Variants in MAPRE2 observed in about 807,000 individuals in gnomAD.
The protein encoded by MAPRE2 is microtubule associated protein RP/EB family member 2.
In MAPRE2, 13 loss-of-function variants were observed where a neutral mutation model predicts 43.2. The ratio of observed to expected loss-of-function variants is 0.30; its 90% CI spans 0.20 to 0.48. MAPRE2 has a LOEUF of 0.48. Ranked by LOEUF, MAPRE2 falls within the 20% of genes least tolerant of loss-of-function variation. The pLI is 0.99. For missense variants in MAPRE2, 161 were observed against 400.2 expected (o/e 0.40, Z 5.10); for synonymous variants, 135 against 148.8 (o/e 0.91, Z 0.68).
intron 2 of MAPRE2, among the ~76,000 whole-genome samples, chr18:35,022,083 A>T (rs1031907489): frequency 6.6e-6 from 1 of 152,184 alleles, no homozygotes; most frequent in South Asian, 2.1e-4. Flanking sequence ...TTCAACTATC[A>T]ATAAAATATA....
chr18:35,023,995 T>C (rs1489687459), intron 2 of MAPRE2, among the ~76,000 whole-genome samples: 1 of 152,164 alleles, frequency 6.6e-6, no homozygotes, highest in East Asian at 1.9e-4. Flanking sequence ...TAATCACAAA[T>C]GTCAAATATA....
At chr18:35,036,463 G>C (rs2097050638), upstream of MAPRE2, among the ~76,000 whole-genome samples, 2 of 152,184 alleles carry the variant, frequency 1.3e-5, no homozygotes, top group South Asian at 4.2e-4. Flanking sequence ...TTAAGATCAA[G>C]CTCCTTAGCT....
chr18:35,080,306 G>A (rs1907570408), intron 2 of MAPRE2, among the ~76,000 whole-genome samples: 1 of 152,198 alleles, frequency 6.6e-6, no homozygotes, highest in Non-Finnish European at 1.5e-5. Context: ...GATTAGGATT[G>A]GAGGATACAC....
intron 1 of MAPRE2, among the ~76,000 whole-genome samples, chr18:35,050,824 G>A (rs1164170920): frequency 3.9e-5 from 6 of 152,086 alleles, no homozygotes; most frequent in South Asian, 2.1e-4. Context: ...CAGGAAACAA[G>A]CCATCTGCAT....
chr18:35,128,603 A>C (rs1357301706), intron 5 of MAPRE2, among the ~76,000 whole-genome samples: 3 of 152,246 alleles, frequency 2.0e-5, no homozygotes, highest in Non-Finnish European at 4.4e-5. Context: ...GGTTGTATGC[A>C]AATACGATGC....
At chr18:35,090,348 AT>A (rs1284550371) in intron 2 of MAPRE2, among the ~76,000 whole-genome samples, 1 of 152,206 alleles carries the variant, frequency 6.6e-6, no homozygotes, top group Non-Finnish European at 1.5e-5. Context: ...AAGGATGTCC[AT>A]TTTAACCACT....
chr18:35,054,578 C>T (rs1906120002), intron 1 of MAPRE2, among the ~76,000 whole-genome samples: 1 of 152,096 alleles, frequency 6.6e-6, no homozygotes, highest in Admixed American at 6.6e-5. Flanking sequence ...TTGAGAGTTG[C>T]GAGTGTTCTT....
intron 1 of MAPRE2, among the ~76,000 whole-genome samples, chr18:34,984,719 T>C (rs1387369945): frequency 6.9e-6 from 1 of 145,094 alleles, no homozygotes; most frequent in South Asian, 2.1e-4. Flanking sequence ...TATCATAATC[T>C]ACATTCACAT....
chr18:35,057,591 C>T (rs552497184), intron 1 of MAPRE2, among the ~76,000 whole-genome samples: 1 of 151,722 alleles, frequency 6.6e-6, no homozygotes, highest in African/African-American at 2.4e-5. Context: ...TCAGTTCATT[C>T]TTCATTCCAG....
chr18:35,036,403 C>T (rs772986893), intron 2 of MAPRE2, among the ~76,000 whole-genome samples: 10 of 152,068 alleles, frequency 6.6e-5, no homozygotes, highest in Non-Finnish European at 1.2e-4. Context: ...CAAGTGTCAC[C>T]GTAAATTTCC....
intron 2 of MAPRE2, among the ~76,000 whole-genome samples, chr18:35,091,761 G>A (rs1194766218): frequency 1.3e-5 from 2 of 151,684 alleles, no homozygotes; most frequent in African/African-American, 2.4e-5. Flanking sequence ...GCATCACATC[G>A]CCTGACTTCA....
intron 2 of MAPRE2, among the ~76,000 whole-genome samples, chr18:35,034,118 C>T (rs1230144363): frequency 2.0e-5 from 3 of 152,078 alleles, no homozygotes; most frequent in Non-Finnish European, 4.4e-5. Flanking sequence ...AACTATACTA[C>T]AAGGCTACAG....
chr18:34,989,344 C>T (rs750385455), intron 1 of MAPRE2, among the ~76,000 whole-genome samples: 11 of 152,126 alleles, frequency 7.2e-5, no homozygotes, highest in Admixed American at 2.6e-4. Context: ...TGCCTTCTCT[C>T]GGTCTTCTAT....
intron 1 of MAPRE2, among the ~76,000 whole-genome samples, chr18:34,995,958 C>T (rs939788646): frequency 2.0e-5 from 3 of 152,118 alleles, no homozygotes; most frequent in Admixed American, 1.3e-4. Context: ...AACGGCTAGA[C>T]GTACTGAATC....
At chr18:35,016,532 T>C (rs980872009) in intron 2 of MAPRE2, among the ~76,000 whole-genome samples, 3 of 152,216 alleles carry the variant, frequency 2.0e-5, no homozygotes, top group African/African-American at 7.2e-5. Context: ...CTCATTGTGG[T>C]TTTGATTTGC....
At chr18:35,059,868 G>A (rs1419884728) in intron 1 of MAPRE2, among the ~76,000 whole-genome samples, 1 of 152,180 alleles carries the variant, frequency 6.6e-6, no homozygotes, top group African/African-American at 2.4e-5. Context: ...TTCTTATTAT[G>A]AGAAGATTTA....
chr18:35,079,646 T>C (rs1907538632), intron 2 of MAPRE2, among the ~76,000 whole-genome samples: 2 of 152,288 alleles, frequency 1.3e-5, no homozygotes, highest in East Asian at 1.9e-4. Context: ...GAAAGATGAA[T>C]TGAACATCAT....
intron 4 of MAPRE2, among the ~76,000 whole-genome samples, chr18:35,111,211 A>T (rs1032941861): frequency 6.6e-6 from 1 of 151,972 alleles, no homozygotes; most frequent in African/African-American, 2.4e-5. Context: ...TTCCTCTGTC[A>T]TCTTCATTCT....
At chr18:35,101,321 T>C (rs911150333) in intron 3 of MAPRE2, among the ~76,000 whole-genome samples, 1 of 152,200 alleles carries the variant, frequency 6.6e-6, no homozygotes, top group African/African-American at 2.4e-5. Context: ...GGCATTTTGA[T>C]ACAGGCATGC....
Sources: gnomAD v4.1 joint callset for allele counts (sites outside exome capture counted in the v4.1 genomes callset) on GRCh38, gnomAD v4.1.1 for gene constraint, MANE v1.5 for transcripts, NCBI Gene and HGNC (gene_info 2026-07-23, HGNC 2026-07-21) for gene names.